The following VPS33A variants were observed in gnomAD, a reference collection of about 807,000 sequenced individuals.
The protein encoded by VPS33A is VPS33A core subunit of CORVET and HOPS complexes, also known as vacuolar protein sorting-associated protein 33A.
A neutral mutation model predicts 71.8 loss-of-function variants in VPS33A; 32 were observed. The observed-to-expected ratio is 0.45, with a 90% CI of 0.34 to 0.60. The LOEUF is 0.60. Among genes scored for constraint, VPS33A ranks in the 20% least tolerant of loss-of-function variants. VPS33A has a pLI of 0.02. For missense variants in VPS33A, 625 were observed against 748.5 expected (o/e 0.84, Z 1.92); for synonymous variants, 311 against 292.7 (o/e 1.06, Z -0.64).
At chr12:122,242,607 C>A in intron 7 of VPS33A, 99 bp from the exon 8 acceptor site, 3 of 1,417,412 alleles carry the variant, frequency 2.1e-6, no homozygotes, top group Non-Finnish European at 2.8e-6. Context: ...GGCTGGAGTG[C>A]AGTGGCGCAA....
In VPS33A at chr12:122,230,640, A is replaced by G. The variant is rs1373255172; in HGVS notation, c.*1606T>C. 6.6e-6 allele frequency: 1 copy of G among 152,176 alleles called. No individual in the cohort carries two copies. Among genetic ancestry groups the G allele is most frequent in the African/African-American group, 2.4e-5 (1 of 41,450 alleles). The allele number at this position is 152,176 out of a possible 1,614,324, so 9.4% of individuals were successfully genotyped here. A position where few individuals can be genotyped will look rare whatever the true frequency, so the allele number is the denominator to read the frequency against. On this transcript the variant is annotated 3_prime_UTR_variant, in exon 13 of 13. Coordinates refer to ENST00000267199, the MANE Select transcript of VPS33A (RefSeq NM_022916.6). Reference sequence around the variant, plus strand: ...CTAATGAAAAAGGTGGGGAAAAACAATGTGTGGTTACTAATCAACAACCAA... The same window carrying G: ...CTAATGAAAAAGGTGGGGAAAAACAGTGTGTGGTTACTAATCAACAACCAA...
intron 4 of VPS33A, among the ~76,000 whole-genome samples, chr12:122,260,255 T>C (rs1263737752): frequency 6.6e-6 from 1 of 152,036 alleles, no homozygotes; most frequent in Non-Finnish European, 1.5e-5. Context: ...ATTTTGCACC[T>C]TAAAGGAGAG....
At chr12:122,232,483 C>T in intron 12 of VPS33A, 56 bp from the exon 13 acceptor site, 1 of 1,482,164 alleles carries the variant, frequency 6.7e-7, no homozygotes, top group Non-Finnish European at 9.1e-7. Context: ...CTTCTCTTCC[C>T]ACCTCTTCAA....
Position 122,235,803 on chromosome 12 carries a change from C to G in VPS33A, c.1423G>C (p.Asp475His). 6.2e-7 allele frequency: 1 copy of G among 1,611,656 alleles called. No individual in the cohort carries two copies. Among genetic ancestry groups the G allele is most frequent in the South Asian group, 1.1e-5 (1 of 90,604 alleles). ...TGGCTTACTTGCTCATTAACATCAT[C>G]CATCCAGAGGCGTAATGTTTTCCGT... is the stretch of plus-strand genomic sequence containing the variant. Reference protein sequence around the residue: ...TIRKTLRLWMDDVNEQNPTDI... With the variant: ...TIRKTLRLWMHDVNEQNPTDI... The change falls in exon 11 of 13, where the codon GAT (aspartate) becomes CAT (histidine). Residue 475 changes from aspartate to histidine, a missense_variant. Asp to His is a moderately conservative substitution (Grantham distance 81). Coordinates refer to ENST00000267199, the MANE Select transcript of VPS33A (RefSeq NM_022916.6).
At chr12:122,252,361 T>A (rs974822542) in intron 4 of VPS33A, among the ~76,000 whole-genome samples, 1 of 152,012 alleles carries the variant, frequency 6.6e-6, no homozygotes, top group East Asian at 1.9e-4. Flanking sequence ...CTCCACCTAC[T>A]GGGTTCACAC....
At chr12:122,237,689 G>A (rs1463259524) in intron 10 of VPS33A, among the ~76,000 whole-genome samples, 4 of 95,982 alleles carry the variant, frequency 4.2e-5, no homozygotes, top group East Asian at 8.7e-4. Context: ...GACTACAGGC[G>A]CCCGCCACCG....
rs778789490 is a variant in VPS33A, at chr12:122,235,772, G to A, written c.1440+14C>T. ...AGTCCCTAAGCTGAGACGAGGTGGA[G>A]AAGTGTGGCTTACTTGCTCATTAAC... On this transcript the variant is annotated intron_variant, in intron 11 of 12. Coordinates refer to ENST00000267199, the MANE Select transcript of VPS33A (RefSeq NM_022916.6). 8.7e-6 allele frequency: 14 copies of A among 1,606,336 alleles called. No individual in the cohort carries two copies. Among genetic ancestry groups the A allele is most frequent in the Non-Finnish European group, 1.2e-5 (14 of 1,175,522 alleles).
At chr12:122,242,288 C>T in intron 8 of VPS33A, 94 bp downstream of exon 8, 1 of 1,478,750 alleles carries the variant, frequency 6.8e-7, no homozygotes, top group Non-Finnish European at 9.3e-7. Context: ...AGCTGACTCT[C>T]CCGAAGAGGC....
At chr12:122,261,200 T>C in intron 4 of VPS33A, 61 bp downstream of exon 4, 7 of 1,438,932 alleles carry the variant, frequency 4.9e-6, no homozygotes, top group Non-Finnish European at 6.7e-6. Context: ...TACTGTGGTA[T>C]GCTCACACTC....
intron 10 of VPS33A, among the ~76,000 whole-genome samples, chr12:122,237,925 C>T (rs1480027728): frequency 6.6e-6 from 1 of 151,898 alleles, no homozygotes; most frequent in African/African-American, 2.4e-5. Context: ...GCTGGGACTG[C>T]AGACACAGCC....
intron 7 of VPS33A, 114 bp downstream of exon 7, chr12:122,244,455 G>C (rs1954751585): frequency 1.1e-6 from 1 of 896,440 alleles, no homozygotes; most frequent in African/African-American, 1.6e-5. Context: ...GATGAGAAAA[G>C]TTGCATTGAA....
chr12:122,233,001 G>T, intron 11 of VPS33A, 33 bp from the exon 12 acceptor site: 1 of 1,547,398 alleles, frequency 6.5e-7, no homozygotes, highest in East Asian at 2.3e-5. Context: ...AAACCCTATA[G>T]ATACAGAGAC....
chr12:122,256,434 C>T (rs1239143975), intron 4 of VPS33A, among the ~76,000 whole-genome samples: 4 of 151,830 alleles, frequency 2.6e-5, no homozygotes, highest in East Asian at 1.9e-4. Context: ...ATTAGCCTGG[C>T]GTGGTGGCGC....
At chr12:122,242,881 T>C (rs1954733723) in intron 7 of VPS33A, among the ~76,000 whole-genome samples, 1 of 152,084 alleles carries the variant, frequency 6.6e-6, no homozygotes, top group Non-Finnish European at 1.5e-5. Flanking sequence ...GTTTTTTGTA[T>C]TGTTCAGAGG....
chr12:122,252,592 AAG>A (rs964828237), intron 4 of VPS33A, among the ~76,000 whole-genome samples: 4 of 152,010 alleles, frequency 2.6e-5, no homozygotes, highest in African/African-American at 4.8e-5. Flanking sequence ...TTAAAAAAAA[AAG>A]AGAGAGAGAA....
intron 4 of VPS33A, among the ~76,000 whole-genome samples, chr12:122,255,827 C>T (rs1353307125): frequency 5.9e-5 from 9 of 151,794 alleles, no homozygotes; most frequent in Non-Finnish European, 7.4e-5. Context: ...TTTCTGTGGC[C>T]GGGTCTCACT....
At chr12:122,254,531 T>C (rs1954890102) in intron 4 of VPS33A, among the ~76,000 whole-genome samples, 1 of 151,842 alleles carries the variant, frequency 6.6e-6, no homozygotes, top group African/African-American at 2.4e-5. Context: ...GTCTGCGAAG[T>C]AGCTGGGATT....
intron 4 of VPS33A, among the ~76,000 whole-genome samples, chr12:122,251,920 T>TAAA (rs76806704): frequency 1.6e-5 from 2 of 123,912 alleles, no homozygotes; most frequent in African/African-American, 5.5e-5. Flanking sequence ...ACTTAAAGTA[T>TAAA]AAAAAAAAAA....
intron 10 of VPS33A, among the ~76,000 whole-genome samples, chr12:122,237,814 C>A (rs1223387453): frequency 6.6e-6 from 1 of 150,938 alleles, no homozygotes; most frequent in Non-Finnish European, 1.5e-5. Flanking sequence ...GAAATGTTAC[C>A]TATTATTATT....
Sources: allele counts gnomAD v4.1 joint callset (sites outside exome capture counted in the v4.1 genomes callset), GRCh38; gene constraint gnomAD v4.1.1; transcripts MANE v1.5; gene names NCBI Gene and HGNC (gene_info 2026-07-23, HGNC 2026-07-21).